MTMR12: variants seen among roughly 807,000 people sequenced by gnomAD.
MTMR12 encodes myotubularin related protein 12.
A neutral mutation model predicts 96.7 loss-of-function variants in MTMR12; 33 were observed. That is an observed-to-expected ratio of 0.34 (90% CI 0.26 to 0.46). The LOEUF is 0.46. Ranked by LOEUF, MTMR12 falls within the 20% of genes least tolerant of loss-of-function variation. The pLI is 1.00. For synonymous variants in MTMR12, 298 were observed against 327.2 expected (o/e 0.91, Z 0.96); for missense variants, 721 against 896.1 (o/e 0.80, Z 2.49).
At position 32,227,504 on chromosome 5, in the gene MTMR12, C is replaced by T. The variant is rs1040323238; in HGVS notation, c.*2274G>A. 1.3e-5 allele frequency: 2 copies of T among 152,648 alleles called. No individual in the cohort carries two copies. The highest frequency in any genetic ancestry group is 2.4e-5 in the African/African-American group (1 of 41,454). 9.5% of individuals were successfully genotyped at this position (152,648 alleles called of 1,614,324 possible). ...GAAAAATATGTCAATGCACATTCAA[C>T]TGCTATGACAAAGGCCATGACCTTG... On this transcript the variant is annotated 3_prime_UTR_variant, in exon 16 of 16. Coordinates refer to ENST00000382142, the MANE Select transcript of MTMR12 (RefSeq NM_001040446.3).
At chr5:32,287,659 C>A (rs1211264494) in intron 1 of MTMR12, among the ~76,000 whole-genome samples, 1 of 152,064 alleles carries the variant, frequency 6.6e-6, no homozygotes, top group Non-Finnish European at 1.5e-5. Flanking sequence ...TTTCATTTGT[C>A]GTGGGGTTTC....
chr5:32,271,770 TATTATC>T, intron 4 of MTMR12, 57 bp downstream of exon 4: 5 of 941,532 alleles, frequency 5.3e-6, no homozygotes, highest in African/African-American at 1.7e-5. Flanking sequence ...ATAAAAATAT[TATTATC>T]ATTATCACCT....
At chr5:32,251,750 C>A (rs922721601) in intron 8 of MTMR12, among the ~76,000 whole-genome samples, 3 of 152,106 alleles carry the variant, frequency 2.0e-5, no homozygotes, top group Non-Finnish European at 2.9e-5. Context: ...GAGGGAAGGC[C>A]CATGGAACGG....
At chr5:32,230,797 A>G (rs892456801) in intron 15 of MTMR12, among the ~76,000 whole-genome samples, 3 of 152,250 alleles carry the variant, frequency 2.0e-5, no homozygotes, top group South Asian at 2.1e-4. Flanking sequence ...AACCACTACA[A>G]TCTTCTGAAC....
chr5:32,304,140 T>C (rs4867425), intron 1 of MTMR12, among the ~76,000 whole-genome samples: 1 of 151,974 alleles, frequency 6.6e-6, no homozygotes, highest in Non-Finnish European at 1.5e-5. Flanking sequence ...ACTAACACAG[T>C]GAAACCCTGT....
chr5:32,302,702 C>T (rs145859963), intron 1 of MTMR12, among the ~76,000 whole-genome samples: 2,156 of 146,720 alleles, frequency 0.015, 61 homozygotes, highest in African/African-American at 0.05. Flanking sequence ...CCAGCCCAGG[C>T]GACAGAGCAA....
intron 13 of MTMR12, among the ~76,000 whole-genome samples, chr5:32,235,872 A>AG (rs921739703): frequency 2.6e-5 from 4 of 152,196 alleles, no homozygotes; most frequent in African/African-American, 4.8e-5. Context: ...TGATCCTGCC[A>AG]GGGGGCTAAG....
intron 13 of MTMR12, among the ~76,000 whole-genome samples, chr5:32,238,795 T>C (rs1748341541): frequency 6.6e-6 from 1 of 152,216 alleles, no homozygotes; most frequent in Non-Finnish European, 1.5e-5. Flanking sequence ...AACATACTTG[T>C]TAATATCTCT....
chr5:32,274,366 CTA>C (rs1749967641), intron 2 of MTMR12, among the ~76,000 whole-genome samples: 1 of 152,142 alleles, frequency 6.6e-6, no homozygotes, highest in East Asian at 1.9e-4. Flanking sequence ...GGACATTTCT[CTA>C]TCTTCTCACT....
intron 3 of MTMR12, 111 bp downstream of exon 3, chr5:32,273,869 T>C: frequency 4.8e-6 from 7 of 1,449,002 alleles, no homozygotes; most frequent in Non-Finnish European, 6.6e-6. Context: ...TTCTGTCCTT[T>C]GTGTTTATGT....
intron 6 of MTMR12, among the ~76,000 whole-genome samples, chr5:32,268,154 G>A (rs79282632): frequency 0.018 from 2,678 of 152,044 alleles, 43 homozygotes; most frequent in East Asian, 0.071. Flanking sequence ...TTCATAAAAC[G>A]CAACCAATCA....
intron 6 of MTMR12, among the ~76,000 whole-genome samples, chr5:32,264,464 T>C (rs1358581180): frequency 7.4e-6 from 1 of 135,052 alleles, no homozygotes; most frequent in Non-Finnish European, 1.6e-5. Context: ...AGCATATTAC[T>C]TTTTTTTTTT....
intron 15 of MTMR12, among the ~76,000 whole-genome samples, chr5:32,231,936 A>G (rs536307447): frequency 6.6e-6 from 1 of 152,348 alleles, no homozygotes. Context: ...AAACTAAGGC[A>G]CAGAGGTAAG....
At chr5:32,273,879 T>C in intron 3 of MTMR12, 101 bp downstream of exon 3, 1 of 1,493,052 alleles carries the variant, frequency 6.7e-7, no homozygotes, top group Middle Eastern at 1.8e-4. Context: ...TGTGTTTATG[T>C]GTGTTAGGGG....
At chr5:32,270,322 T>C (rs1046823542) in intron 5 of MTMR12, among the ~76,000 whole-genome samples, 2 of 152,240 alleles carry the variant, frequency 1.3e-5, no homozygotes, top group African/African-American at 4.8e-5. Context: ...AGATTATGTT[T>C]ATTTAGTCTC....
At position 32,302,931 on chromosome 5, in the gene MTMR12, G is replaced by A. The variant is rs11738125; in HGVS notation, c.81+9827C>T. Among the ~76,000 whole-genome samples, 133 of 152,130 alleles carry A rather than the reference G, an allele frequency of 8.7e-4. 2 individuals carry two copies. The highest frequency in any genetic ancestry group is 3.6e-3 in the Admixed American group (55 of 15,266). On this transcript the variant is annotated intron_variant, in intron 1 of 15. Transcript: ENST00000382142. Reference sequence around the variant, plus strand: ...TTAGAGATAGCAAAAAATTTTCTAAGAAAGAGTTACCACACAAGGAACTTT... The same window carrying A: ...TTAGAGATAGCAAAAAATTTTCTAAAAAAGAGTTACCACACAAGGAACTTT...
intron 6 of MTMR12, among the ~76,000 whole-genome samples, chr5:32,266,813 C>G (rs1464496567): frequency 1.3e-5 from 2 of 151,992 alleles, no homozygotes; most frequent in Non-Finnish European, 2.9e-5. Context: ...GGCGAGCTGG[C>G]TCATACCTGT....
At chr5:32,270,708 TCA>T in intron 5 of MTMR12, 107 bp downstream of exon 5, 1 of 1,250,964 alleles carries the variant, frequency 8.0e-7, no homozygotes, top group Non-Finnish European at 1.1e-6. Flanking sequence ...AATTTCAAGT[TCA>T]CAGAGTGAAA....
At chr5:32,264,144 G>A (rs1333056293) in intron 6 of MTMR12, among the ~76,000 whole-genome samples, 3 of 152,168 alleles carry the variant, frequency 2.0e-5, no homozygotes, top group African/African-American at 7.2e-5. Context: ...GCCACTACCT[G>A]CTAGGACAAA....
Sources: gnomAD v4.1 joint callset for allele counts (sites outside exome capture counted in the v4.1 genomes callset) on GRCh38, gnomAD v4.1.1 for gene constraint, MANE v1.5 for transcripts, NCBI Gene and HGNC (gene_info 2026-07-23, HGNC 2026-07-21) for gene names.